Variants in PKIB observed in about 807,000 individuals in gnomAD.
The protein encoded by PKIB is cAMP-dependent protein kinase inhibitor beta, also known as PKI-beta.
A neutral mutation model predicts 4.5 loss-of-function variants in PKIB; 2 were observed. That is an observed-to-expected ratio of 0.44 (90% CI 0.18 to 1.39). The LOEUF is 1.39. PKIB is among the 40% of genes most tolerant of loss of function. The pLI, the probability that PKIB is intolerant of heterozygous loss-of-function variation, is 0.27. For missense variants in PKIB, 94 were observed against 92.6 expected, an observed-to-expected ratio of 1.02 and a Z score of -0.06; for synonymous variants, 38 against 36.0, an observed-to-expected ratio of 1.06 and a Z score of -0.20.
At chr6:122,604,850 G>A (rs912325502) in intron 3 of PKIB, among the ~76,000 whole-genome samples, 9 of 152,158 alleles carry the variant, frequency 5.9e-5, no homozygotes, top group Non-Finnish European at 1.3e-4. Context: ...GGAGTGGGGA[G>A]AGACACATGA....
intron 2 of PKIB, among the ~76,000 whole-genome samples, chr6:122,541,625 T>C (rs1049548622): frequency 6.6e-6 from 1 of 151,920 alleles, no homozygotes; most frequent in Non-Finnish European, 1.5e-5. Flanking sequence ...ATTTTTTCCT[T>C]CATTTCAACT....
rs1024631866 is a variant in PKIB at position 122,510,782 on chromosome 6, G to T, written c.-248+32843G>T. Among the ~76,000 whole-genome samples the T allele has an allele frequency of 3.9e-5, 6 of 152,234 alleles. No individual in the cohort carries two copies. In the South Asian group the frequency reaches 1.2e-3, roughly 32 times the overall value. On this transcript the variant is annotated intron_variant, in intron 2 of 6. Coordinates refer to the PKIB transcript ENST00000392491. The stretch of plus-strand genomic sequence containing the variant: ...AGCCACTGTTTGACCCAGATAAGGT[G>T]CTGGGTCGGGCCTGAATTGTTCCTT...
chr6:122,695,992 G>C (rs898552677), intron 3 of PKIB, among the ~76,000 whole-genome samples: 2 of 152,146 alleles, frequency 1.3e-5, no homozygotes. Flanking sequence ...TTCTACCTGT[G>C]TATGGCTGAT....
At chr6:122,487,814 ACTAAGT>A (rs1204997600) in intron 2 of PKIB, among the ~76,000 whole-genome samples, 2 of 152,222 alleles carry the variant, frequency 1.3e-5, no homozygotes, top group African/African-American at 4.8e-5. Context: ...GCCTGAATGA[ACTAAGT>A]CACAGCTTAG....
chr6:122,632,775 T>A (rs1305297870), intron 1 of PKIB, among the ~76,000 whole-genome samples: 2 of 152,182 alleles, frequency 1.3e-5, no homozygotes, highest in African/African-American at 2.4e-5. Context: ...GTATTTAAAT[T>A]CAAAGATGAA....
At chr6:122,600,017 A>G (rs1444678125) in intron 3 of PKIB, among the ~76,000 whole-genome samples, 4 of 151,846 alleles carry the variant, frequency 2.6e-5, no homozygotes, top group African/African-American at 7.3e-5. Flanking sequence ...ATCTATATCT[A>G]TATCTATATC....
intron 2 of PKIB, among the ~76,000 whole-genome samples, chr6:122,577,996 A>G (rs768601966): frequency 1.3e-5 from 2 of 152,010 alleles, no homozygotes; most frequent in Admixed American, 6.6e-5. Flanking sequence ...GCATAGTTAG[A>G]GGAGTTTTTT....
chr6:122,712,677 C>A (rs1211528624), intron 3 of PKIB, among the ~76,000 whole-genome samples: 1 of 152,036 alleles, frequency 6.6e-6, no homozygotes, highest in South Asian at 2.1e-4. Context: ...ACTAATTTAG[C>A]GGGCAAGAAG....
rs568554385 is a variant in PKIB, at chr6:122,559,302, T to C, written c.-247-26619T>C. ...TAATTATATATATAATATATATATA[T>C]GCCACTTTCCCCACTTTATGTTTTT... On this transcript the variant is annotated intron_variant, in intron 2 of 6. Coordinates refer to the PKIB transcript ENST00000392491. Among the ~76,000 whole-genome samples, 84 of 151,570 alleles carry C rather than the reference T, an allele frequency of 5.5e-4. 1 individual carries two copies. Among genetic ancestry groups the C allele is most frequent in the Middle Eastern group, 3.4e-3 (1 of 292 alleles).
chr6:122,578,931 C>T (rs1773627296), intron 2 of PKIB, among the ~76,000 whole-genome samples: 1 of 152,352 alleles, frequency 6.6e-6, no homozygotes, highest in South Asian at 2.1e-4. Flanking sequence ...TTTTCTCCTT[C>T]CTGCCACCAT....
At chr6:122,554,114 A>T (rs1180224027) in intron 2 of PKIB, among the ~76,000 whole-genome samples, 1 of 152,224 alleles carries the variant, frequency 6.6e-6, no homozygotes, top group African/African-American at 2.4e-5. Flanking sequence ...TCAATTAAAA[A>T]TTTTGTACTA....
chr6:122,608,399 C>G (rs1179808441), upstream of PKIB, among the ~76,000 whole-genome samples: 2 of 152,220 alleles, frequency 1.3e-5, no homozygotes, highest in African/African-American at 4.8e-5. Context: ...TGTGGAATTA[C>G]TGCTACCACC....
chr6:122,697,554 G>A (rs1168791507), intron 3 of PKIB, among the ~76,000 whole-genome samples: 1 of 152,038 alleles, frequency 6.6e-6, no homozygotes, highest in Non-Finnish European at 1.5e-5. Context: ...TGAGAGACCT[G>A]TGTGACATTG....
At chr6:122,630,469 A>T (rs984449424) in intron 1 of PKIB, among the ~76,000 whole-genome samples, 2 of 152,186 alleles carry the variant, frequency 1.3e-5, no homozygotes, top group Non-Finnish European at 2.9e-5. Flanking sequence ...GATTCCACTT[A>T]TAAAACTAGA....
chr6:122,606,348 G>A (rs552152824), upstream of PKIB, among the ~76,000 whole-genome samples: 11 of 152,242 alleles, frequency 7.2e-5, no homozygotes, highest in African/African-American at 2.2e-4. Flanking sequence ...TGAGGCAGGC[G>A]GATCACCTGA....
intron 2 of PKIB, among the ~76,000 whole-genome samples, chr6:122,518,897 C>T (rs1021016104): frequency 2.6e-5 from 4 of 152,150 alleles, no homozygotes; most frequent in Admixed American, 1.3e-4. Flanking sequence ...AGACTGAGCA[C>T]CACATGCTGA....
chr6:122,480,456 A>C (rs1775582470), intron 2 of PKIB: 1 of 152,220 alleles, frequency 6.6e-6, no homozygotes, highest in African/African-American at 2.4e-5. Context: ...CGATGCATAC[A>C]TATGTAATAT....
chr6:122,623,797 T>G (rs962415334), intron 1 of PKIB, among the ~76,000 whole-genome samples: 1 of 152,050 alleles, frequency 6.6e-6, no homozygotes, highest in Non-Finnish European at 1.5e-5. Context: ...AACAATTAAG[T>G]TTTTTTCTAA....
At chr6:122,492,071 A>G (rs980714475) in intron 2 of PKIB, among the ~76,000 whole-genome samples, 10 of 152,184 alleles carry the variant, frequency 6.6e-5, no homozygotes. Flanking sequence ...TAAGCCACAC[A>G]TCTCAGCGCT....
Sources: gnomAD v4.1 joint callset for allele counts (sites outside exome capture counted in the v4.1 genomes callset) on GRCh38, gnomAD v4.1.1 for gene constraint, MANE v1.5 for transcripts, NCBI Gene and HGNC (gene_info 2026-07-23, HGNC 2026-07-21) for gene names.